CNTNAP2: variants seen among roughly 807,000 people sequenced by gnomAD.
CNTNAP2 encodes the protein contactin associated protein 2.
In CNTNAP2, 98 loss-of-function variants were observed where a neutral mutation model predicts 155.2. The observed-to-expected ratio is 0.63, with a 90% CI of 0.54 to 0.75. CNTNAP2 has a LOEUF of 0.75. Ranked by LOEUF, CNTNAP2 falls within the 30% of genes least tolerant of loss-of-function variation. The pLI is 0.00. For synonymous variants in CNTNAP2, 651 were observed against 631.2 expected (o/e 1.03, Z -0.47); for missense variants, 1,727 against 1,688.1 (o/e 1.02, Z -0.40).
intron 22 of CNTNAP2, among the ~76,000 whole-genome samples, chr7:148,406,015 G>A (rs1034445859): frequency 1.3e-4 from 20 of 152,198 alleles, no homozygotes; most frequent in African/African-American, 4.3e-4. Context: ...GGCAGATCAC[G>A]AGGTCAGGAG....
At chr7:147,572,246 G>A (rs887223615) in intron 12 of CNTNAP2, among the ~76,000 whole-genome samples, 8 of 151,960 alleles carry the variant, frequency 5.3e-5, no homozygotes, top group African/African-American at 1.9e-4. Context: ...TTGTGTGTCA[G>A]CCATAGTGAT....
intron 1 of CNTNAP2, among the ~76,000 whole-genome samples, chr7:146,194,264 A>T (rs1798746227): frequency 6.6e-6 from 1 of 152,188 alleles, no homozygotes. Context: ...TCACATTGCT[A>T]AAAAAGACAT....
intron 12 of CNTNAP2, among the ~76,000 whole-genome samples, chr7:147,620,582 G>A (rs10262330): frequency 0.09 from 13,604 of 151,336 alleles, 1,700 homozygotes; most frequent in African/African-American, 0.26. Context: ...TTCTGGATTT[G>A]AAAAAGGTAA....
chr7:148,365,706 T>C (rs561728684), intron 21 of CNTNAP2, among the ~76,000 whole-genome samples: 1 of 54,748 alleles, frequency 1.8e-5, no homozygotes, highest in Non-Finnish European at 5.0e-5. Context: ...ATGTATACTT[T>C]TATATATATG....
chr7:146,660,833 A>T (rs946979579), intron 1 of CNTNAP2, among the ~76,000 whole-genome samples: 1 of 152,154 alleles, frequency 6.6e-6, no homozygotes, highest in Non-Finnish European at 1.5e-5. Flanking sequence ...TTCACTCATC[A>T]TTTCTTTTAT....
intron 14 of CNTNAP2, among the ~76,000 whole-genome samples, chr7:147,950,873 C>T (rs550858634): frequency 4.7e-4 from 71 of 152,108 alleles, no homozygotes; most frequent in Non-Finnish European, 6.9e-4. Context: ...AAGAGAAATC[C>T]GTACCAAAAA....
chr7:146,194,271 A>T (rs1437612078), intron 1 of CNTNAP2, among the ~76,000 whole-genome samples: 2 of 152,228 alleles, frequency 1.3e-5, no homozygotes, highest in Non-Finnish European at 2.9e-5. Flanking sequence ...GCTAAAAAAG[A>T]CATACCTGAG....
intron 21 of CNTNAP2, among the ~76,000 whole-genome samples, chr7:148,364,828 C>T (rs950488711): frequency 6.6e-6 from 1 of 152,192 alleles, no homozygotes. Flanking sequence ...CTCTTCCACA[C>T]TTTGGAAGCT....
At chr7:147,095,573 A>G (rs1202891081) in intron 4 of CNTNAP2, among the ~76,000 whole-genome samples, 4 of 151,874 alleles carry the variant, frequency 2.6e-5, no homozygotes, top group Admixed American at 6.6e-5. Flanking sequence ...ATCTCAGTGA[A>G]TAAGTTTCAG....
At chr7:146,477,570 GTTGAAC>G (rs57832483) in intron 1 of CNTNAP2, among the ~76,000 whole-genome samples, 18,110 of 146,318 alleles carry the variant, frequency 0.12, 1,224 homozygotes, top group African/African-American at 0.19. Context: ...TTACTTTGTA[GTTGAAC>G]TTGAGCTTCC....
intron 12 of CNTNAP2, among the ~76,000 whole-genome samples, chr7:147,605,722 TG>T (rs1212950226): frequency 6.6e-6 from 1 of 152,082 alleles, no homozygotes; most frequent in East Asian, 1.9e-4. Context: ...AGGTTCTCCC[TG>T]CGCTTTTGGG....
At position 148,118,190 on chromosome 7, in the gene CNTNAP2, C is replaced by A. The variant is rs771687213; in HGVS notation, c.2456C>A (p.Thr819Asn). The A allele has an allele frequency of 1.9e-6, 3 of 1,614,084 alleles. No homozygotes were observed. The highest frequency in any genetic ancestry group is 4.5e-5 in the East Asian group (2 of 44,900). The part of the protein sequence containing the change: ...YLHFSTFQGE[T>N]SADISFYFKT... Reference sequence around the variant, plus strand: ...CACTTCTCTACTTTCCAAGGGGAAACTAGCGCTGACATTTCTTTCTACTTC... The same window carrying A: ...CACTTCTCTACTTTCCAAGGGGAAAATAGCGCTGACATTTCTTTCTACTTC... The change falls in exon 16 of 24, where the codon ACT (threonine) becomes AAT (asparagine). Residue 819 changes from threonine to asparagine, a missense_variant. Coordinates refer to ENST00000361727, the MANE Select transcript of CNTNAP2 (RefSeq NM_014141.6).
chr7:148,228,830 A>AAAAC (rs1216067582), intron 19 of CNTNAP2, among the ~76,000 whole-genome samples: 12 of 137,142 alleles, frequency 8.8e-5, no homozygotes, highest in African/African-American at 4.3e-4. Flanking sequence ...TCTGTTTCAA[A>AAAAC]AAAAAAAAAA....
At chr7:147,600,991 C>T (rs1800931939) in intron 12 of CNTNAP2, among the ~76,000 whole-genome samples, 1 of 151,702 alleles carries the variant, frequency 6.6e-6, no homozygotes, top group South Asian at 2.1e-4. Flanking sequence ...TGTAATAATC[C>T]CCTGAACATT....
chr7:146,193,978 A>C (rs1798742912), intron 1 of CNTNAP2, among the ~76,000 whole-genome samples: 2 of 152,302 alleles, frequency 1.3e-5, no homozygotes, highest in South Asian at 4.1e-4. Context: ...AACAAGAGTC[A>C]CCTTTATGCC....
chr7:146,481,515 C>A (rs1002118907), intron 1 of CNTNAP2, among the ~76,000 whole-genome samples: 1 of 152,128 alleles, frequency 6.6e-6, no homozygotes, highest in African/African-American at 2.4e-5. Context: ...GCACTTAGAA[C>A]AATTTTTAGG....
At chr7:147,199,419 C>G (rs1230258258) in intron 8 of CNTNAP2, among the ~76,000 whole-genome samples, 1 of 152,096 alleles carries the variant, frequency 6.6e-6, no homozygotes, top group East Asian at 1.9e-4. Flanking sequence ...TTAAGAAATG[C>G]AAAACTTTCA....
intron 1 of CNTNAP2, among the ~76,000 whole-genome samples, chr7:146,459,725 C>G (rs1796608599): frequency 6.6e-6 from 1 of 152,160 alleles, no homozygotes. Flanking sequence ...AATCCCAGCA[C>G]TTTGGGAGGC....
chr7:146,155,076 G>A (rs1798105223), intron 1 of CNTNAP2, among the ~76,000 whole-genome samples: 1 of 152,092 alleles, frequency 6.6e-6, no homozygotes, highest in Admixed American at 6.6e-5. Flanking sequence ...GAATTGTTTA[G>A]TACTACCATT....
Sources: gnomAD v4.1 joint callset for allele counts (sites outside exome capture counted in the v4.1 genomes callset) on GRCh38, gnomAD v4.1.1 for gene constraint, MANE v1.5 for transcripts, NCBI Gene and HGNC (gene_info 2026-07-23, HGNC 2026-07-21) for gene names.